Variants in ZBBX observed in about 807,000 individuals in gnomAD.
ZBBX encodes zinc finger B-box domain-containing protein 1.
In ZBBX, 101 loss-of-function variants were observed where a neutral mutation model predicts 108.5. The observed-to-expected ratio is 0.93, with a 90% CI of 0.79 to 1.10. The LOEUF (loss-of-function observed/expected upper bound fraction) is 1.10, where lower values mean the gene tolerates loss of function less well. Ranked by LOEUF, ZBBX falls within the 50% of genes least tolerant of loss-of-function variation. The probability of loss-of-function intolerance (pLI) is 0.00; values close to 1 mark genes in which losing one functional copy is unlikely to be tolerated. For synonymous variants in ZBBX, 356 were observed against 323.4 expected (o/e 1.10, Z -1.08); for missense variants, 1,009 against 941.4 (o/e 1.07, Z -0.94).
Position 167,306,983 on chromosome 3 carries a change from G to C in ZBBX, c.1418-1033C>G, listed in dbSNP as rs1576951872. 7.2e-5 allele frequency among the ~76,000 whole-genome samples: 11 copies of C among 152,086 alleles called. No individual in the cohort carries two copies. The South Asian group carries it at 2.3e-3, about 31-fold the overall frequency. Reference sequence around the variant, plus strand: ...TTATATAACTCACCAATTTCAGATAGTATTTAGAACTAGTGGAAACAAGGA... The same window carrying C: ...TTATATAACTCACCAATTTCAGATACTATTTAGAACTAGTGGAAACAAGGA... On this transcript the variant is annotated intron_variant, in intron 16 of 21. Coordinates refer to ENST00000675490, the MANE Select transcript of ZBBX (RefSeq NM_001199201.2).
chr3:167,362,095 T>G (rs1744614756), intron 6 of ZBBX, among the ~76,000 whole-genome samples: 1 of 152,046 alleles, frequency 6.6e-6, no homozygotes. Context: ...GGGTTGGAGG[T>G]AGGGTTGAAC....
At chr3:167,191,895 TCATATATATATATATATATATATATA>T in the ZBBX span, among the ~76,000 whole-genome samples, 1 of 16,520 alleles carries the variant, frequency 6.1e-5, no homozygotes, top group Non-Finnish European at 1.1e-4. Flanking sequence ...CTTACAAAAA[TCATATATATATATATATATATATATA>T]TATATATATA....
chr3:167,363,341 C>T (rs1432965624), intron 6 of ZBBX, among the ~76,000 whole-genome samples: 1 of 152,046 alleles, frequency 6.6e-6, no homozygotes, highest in Non-Finnish European at 1.5e-5. Context: ...CAAATTCATC[C>T]CATTTCCCTT....
chr3:167,277,244 A>G (rs144548479), intron 20 of ZBBX, among the ~76,000 whole-genome samples: 1 of 152,108 alleles, frequency 6.6e-6, no homozygotes, highest in Admixed American at 6.5e-5. Context: ...ACACATAACA[A>G]TATTAACTTT....
At chr3:167,340,480 T>C (rs886600645) in intron 9 of ZBBX, among the ~76,000 whole-genome samples, 1 of 152,074 alleles carries the variant, frequency 6.6e-6, no homozygotes, top group Non-Finnish European at 1.5e-5. Flanking sequence ...AAGGTGAGCA[T>C]TATCTCTCAA....
intron 2 of ZBBX, among the ~76,000 whole-genome samples, chr3:167,375,276 C>G (rs1046729959): frequency 6.6e-6 from 1 of 152,078 alleles, no homozygotes; most frequent in Non-Finnish European, 1.5e-5. Flanking sequence ...TTTTGGGACG[C>G]CTCTTTTGAA....
At chr3:167,202,479 A>G in the ZBBX span, among the ~76,000 whole-genome samples, 1 of 142,602 alleles carries the variant, frequency 7.0e-6, no homozygotes, top group Non-Finnish European at 1.5e-5. Flanking sequence ...ATTCTATTTT[A>G]AAGCAAAGCT....
the ZBBX span, among the ~76,000 whole-genome samples, chr3:167,214,847 T>C: frequency 1.3e-5 from 2 of 152,108 alleles, no homozygotes; most frequent in East Asian, 1.9e-4. Context: ...CTCAAAATCA[T>C]GCAATTACGT....
chr3:167,214,371 A>G, the ZBBX span, among the ~76,000 whole-genome samples: 5 of 152,190 alleles, frequency 3.3e-5, no homozygotes, highest in Non-Finnish European at 5.9e-5. Flanking sequence ...ACAGACTTCA[A>G]ACCAGCAAAG....
downstream of ZBBX, among the ~76,000 whole-genome samples, chr3:167,239,798 T>C (rs116256396): frequency 6.5e-3 from 994 of 152,222 alleles, 4 homozygotes; most frequent in Middle Eastern, 0.031. Context: ...ATATGGTGTA[T>C]TAGTCTGTTC....
At position 167,288,166 on chromosome 3, in the gene ZBBX, T is replaced by G. The variant is rs1415214733; in HGVS notation, c.1996+701A>C. 2.0e-5 allele frequency among the ~76,000 whole-genome samples: 3 copies of G among 152,146 alleles called. No individual in the cohort carries two copies. In the East Asian group the frequency reaches 5.8e-4, roughly 29 times the overall value. On this transcript the variant is annotated intron_variant, in intron 19 of 21. Transcript: ENST00000675490. ...AATTCATTAGTTGTCTACTACAACT[T>G]CCTACTTTGGCATAGAGCAAACCCA...
intron 8 of ZBBX, among the ~76,000 whole-genome samples, chr3:167,351,616 C>A (rs1440030797): frequency 6.6e-6 from 1 of 152,138 alleles, no homozygotes; most frequent in African/African-American, 2.4e-5. Flanking sequence ...TAGGCCTCCA[C>A]ACTGGCCTAG....
chr3:167,338,383 G>A (rs758982710), intron 9 of ZBBX, among the ~76,000 whole-genome samples: 2 of 152,084 alleles, frequency 1.3e-5, no homozygotes, highest in Non-Finnish European at 2.9e-5. Context: ...AAGAATAAAA[G>A]TTTTAGTTTA....
intron 14 of ZBBX, among the ~76,000 whole-genome samples, chr3:167,316,484 A>T (rs10804821): frequency 0.82 from 124,320 of 151,984 alleles, 51,261 homozygotes; most frequent in African/African-American, 0.93. Flanking sequence ...TAGCTCTGAC[A>T]GGGTCTGGCT....
intron 21 of ZBBX, among the ~76,000 whole-genome samples, chr3:167,241,199 G>A (rs1434598225): frequency 6.6e-6 from 1 of 152,206 alleles, no homozygotes; most frequent in South Asian, 2.1e-4. Context: ...TGATTCAGAG[G>A]CACTTTAGAA....
At chr3:167,383,962 CAT>C (rs1747825455), upstream of ZBBX, among the ~76,000 whole-genome samples, 1 of 152,038 alleles carries the variant, frequency 6.6e-6, no homozygotes, top group Admixed American at 6.6e-5. Flanking sequence ...TTGGTTCAAA[CAT>C]AGTATATGTG....
chr3:167,213,197 G>C, the ZBBX span, among the ~76,000 whole-genome samples: 2 of 152,102 alleles, frequency 1.3e-5, no homozygotes, highest in Non-Finnish European at 2.9e-5. Flanking sequence ...GGCCAAAGAG[G>C]CTAGAATGAC....
chr3:167,288,273 A>T (rs998426336), intron 19 of ZBBX, among the ~76,000 whole-genome samples: 2 of 152,196 alleles, frequency 1.3e-5, no homozygotes, highest in African/African-American at 4.8e-5. Context: ...GTATACACTC[A>T]TTAGGAAAGT....
In ZBBX at chr3:167,305,919, G is replaced by T; in HGVS notation, c.1449C>A (p.Ile483=). ...AETSNTDFDN[I]VDPDVYSSDI... is the part of the protein sequence containing the mutation. ...CAGAAGAATACACATCAGGATCCAC[G>T]ATGTTGTCAAAATCTGTGTTTGAAG... Residue 483 remains isoleucine (I), a synonymous_variant, in exon 17 of 22, where the codon ATC becomes ATA. Transcript: ENST00000675490. 6.4e-7 allele frequency: 1 copy of T among 1,570,154 alleles called. No homozygotes were observed. Among genetic ancestry groups the T allele is most frequent in the Non-Finnish European group, 8.6e-7 (1 of 1,160,712 alleles).
Sources: allele counts gnomAD v4.1 joint callset (sites outside exome capture counted in the v4.1 genomes callset), GRCh38; gene constraint gnomAD v4.1.1; transcripts MANE v1.5; gene names NCBI Gene and HGNC (gene_info 2026-07-23, HGNC 2026-07-21).